ACE: variants seen among roughly 807,000 people sequenced by gnomAD.
The protein encoded by ACE is angiotensin I converting enzyme.
Under a neutral mutation model 162.3 loss-of-function variants are expected in ACE, and 122 were observed. The observed-to-expected ratio is 0.75, with a 90% CI of 0.65 to 0.87. The LOEUF is 0.87. Among genes scored for constraint, ACE ranks in the 40% least tolerant of loss-of-function variants. The pLI is 0.00. For synonymous variants in ACE, 796 were observed against 720.6 expected, an observed-to-expected ratio of 1.10 and a Z score of -1.68; for missense variants, 1,799 against 1,735.1, an observed-to-expected ratio of 1.04 and a Z score of -0.65.
In ACE at chr17:63,485,502, CG is replaced by C. The variant is rs756317362; in HGVS notation, c.2058+133del. The C allele has an allele frequency of 4.4e-6, 6 of 1,374,780 alleles. No individual in the cohort carries two copies. In the South Asian group the frequency reaches 7.5e-5, roughly 17 times the overall value. 85.2% of individuals were successfully genotyped at this position (1,374,780 alleles called of 1,614,324 possible). A position where few individuals can be genotyped will look rare whatever the true frequency, so the allele number is the denominator to read the frequency against. On this transcript the variant is annotated intron_variant, in intron 13 of 24. Coordinates refer to ENST00000290866, the MANE Select transcript of ACE (RefSeq NM_000789.4). The stretch of plus-strand genomic sequence containing the variant: ...TTTAAAACAATACTCAATTTCGGGC[CG>C]GGCGCGGTGGCTCACGCCTGTAATC...
At chr17:63,497,052 G>A in intron 24 of ACE, 67 bp downstream of exon 24, 1 of 1,587,022 alleles carries the variant, frequency 6.3e-7, no homozygotes, top group Admixed American at 1.8e-5. Context: ...CAGCCATGCG[G>A]CTGACCTCGG....
rs752924819 is a variant in ACE at position 63,481,135 on chromosome 17, G to A, written c.892G>A (p.Val298Met). ...QSWENIYDMVVPFPDKPNLDV... is the reference protein window; with the variant it reads ...QSWENIYDMVMPFPDKPNLDV... The stretch of plus-strand genomic sequence containing the variant: ...CTGGGAAAACATCTACGACATGGTG[G>A]TGCCTTTCCCAGACAAGCCCAACCT... The change falls in exon 6 of 25, where the codon GTG becomes ATG. Residue 298 changes from valine (V) to methionine (M), a missense_variant. Val to Met is a conservative substitution (Grantham distance 21). Coordinates refer to ENST00000290866, the MANE Select transcript of ACE (RefSeq NM_000789.4). 5.6e-6 allele frequency: 9 copies of A among 1,613,948 alleles called. No homozygotes were observed. Among genetic ancestry groups the A allele is most frequent in the Admixed American group, 3.3e-5 (2 of 60,000 alleles).
In ACE at chr17:63,493,601, G is replaced by A; in HGVS notation, c.3078G>A (p.Val1026=). ...TTGGGGACGTGCTAGCCCTCTCAGT[G>A]TCTACGCCCAAGCACCTGCACAGTC... ...EAIGDVLALS[V]STPKHLHSLN... Residue 1026 remains valine, a synonymous_variant, in exon 20 of 25, where the codon GTG becomes GTA. Coordinates refer to ENST00000290866, the MANE Select transcript of ACE (RefSeq NM_000789.4). 6.2e-7 allele frequency: 1 copy of A among 1,614,178 alleles called. No individual in the cohort carries two copies. The highest frequency in any genetic ancestry group is 8.5e-7 in the Non-Finnish European group (1 of 1,180,020).
intron 2 of ACE, 143 bp from the exon 3 acceptor site, chr17:63,478,864 T>G: frequency 1.4e-6 from 1 of 718,456 alleles, no homozygotes; most frequent in South Asian, 1.5e-5. Context: ...TAAGTGACAC[T>G]TAGTGATCAG....
rs4330 is a variant in ACE at position 63,486,300 on chromosome 17, C to G, written c.2059-257C>G. On this transcript the variant is annotated intron_variant, in intron 13 of 24. Coordinates refer to ENST00000290866, the MANE Select transcript of ACE (RefSeq NM_000789.4). ...GCTGGCTCCTTCCTAAGGGCCTTTA[C>G]GACACTTGGGGGTCTTCTCTTCTCT... 1,035 of 554,096 alleles carry G rather than the reference C, an allele frequency of 1.9e-3. 6 individuals are homozygous for G. The highest frequency in any genetic ancestry group is 0.016 in the African/African-American group (836 of 52,912). The allele number at this position is 554,096 out of a possible 1,614,324, so 34.3% of individuals were successfully genotyped here.
In ACE at chr17:63,488,757, C is replaced by A. The variant is rs761458810; in HGVS notation, c.2415C>A (p.Tyr805Ter). The change falls in exon 16 of 25, where the codon TAC (tyrosine) becomes TAA (stop). Residue 805 changes from tyrosine to a stop codon, truncating the protein, a stop_gained. Transcript: ENST00000290866. LOFTEE classifies it high-confidence loss of function. ...GRAILQFYPK[Y>*]VELINQAARL... ...CCATCCTCCAGTTTTACCCGAAATA[C>A]GTGGAACTCATCAACCAGGCTGCCC... The A allele has an allele frequency of 1.2e-6, 2 of 1,613,894 alleles. No individual in the cohort carries two copies. Among genetic ancestry groups the A allele is most frequent in the East Asian group, 2.2e-5 (1 of 44,796 alleles).
chr17:63,481,728 A>G lies in ACE; in HGVS notation c.1108A>G (p.Lys370Glu). ...CTCGGCTTGGGACTTCTACAACAGG[A>G]AAGACTTCAGGTTCAGACATGGGAA... Reference protein sequence around the residue: ...HASAWDFYNRKDFRIKQCTRV... With the variant: ...HASAWDFYNREDFRIKQCTRV... Residue 370 changes from lysine to glutamate, a missense_variant, in exon 7 of 25, where the codon AAA becomes GAA. By Grantham distance (56) the Lys-to-Glu change is moderately conservative. Transcript: ENST00000290866. 1.2e-6 allele frequency: 2 copies of G among 1,614,104 alleles called. No homozygotes were observed. The highest frequency in any genetic ancestry group is 1.7e-6 in the Non-Finnish European group (2 of 1,180,020).
Position 63,485,374 on chromosome 17 carries a change from T to G in ACE, c.2058+2T>G. On this transcript the variant is annotated splice_donor_variant, in intron 13 of 24. Transcript: ENST00000290866. LOFTEE classifies it high-confidence loss of function. ...ACCACAGAGACCAGCAAGATTCTGG[T>G]GGGAGCCACCTCCCCACCCCCAAAC... 1 of 1,613,192 alleles carries G rather than the reference T, an allele frequency of 6.2e-7. No homozygotes were observed. Among genetic ancestry groups the G allele is most frequent in the Non-Finnish European group, 8.5e-7 (1 of 1,179,752 alleles).
intron 5 of ACE, 120 bp downstream of exon 5, chr17:63,480,648 G>A (rs960647085): frequency 3.0e-5 from 33 of 1,091,810 alleles, no homozygotes; most frequent in Admixed American, 2.7e-4. Context: ...CATGTGTGGG[G>A]CATCATACTG....
chr17:63,485,429 G>A, intron 13 of ACE, 57 bp downstream of exon 13: 1 of 1,605,972 alleles, frequency 6.2e-7, no homozygotes, highest in South Asian at 1.1e-5. Context: ...CAGAGATGCT[G>A]TCCCGCTCAC....
At chr17:63,496,733 T>C in intron 23 of ACE, 65 bp from the exon 24 acceptor site, 3 of 1,602,258 alleles carry the variant, frequency 1.9e-6, no homozygotes, top group Non-Finnish European at 8.5e-7. Flanking sequence ...GGAGAGTGGA[T>C]GTCAGGTGGG....
intron 8 of ACE, 147 bp downstream of exon 8, chr17:63,482,836 C>G: frequency 9.2e-7 from 1 of 1,081,516 alleles, no homozygotes; most frequent in Non-Finnish European, 1.4e-6. Flanking sequence ...CCTAGAGCCT[C>G]ACGGTGCACA....
At position 63,484,465 on chromosome 17, in the gene ACE, G is replaced by A. The variant is rs149476654; in HGVS notation, c.1845G>A (p.Gln615=). The A allele has an allele frequency of 6.2e-7, 1 of 1,611,852 alleles. No individual in the cohort carries two copies. The highest frequency in any genetic ancestry group is 8.5e-7 in the Non-Finnish European group (1 of 1,179,796). Reference sequence around the variant, plus strand: ...CCCAGTGGCTGCAGGAGCAGAACCAGCAGAACGGCGAGGTCCTGGGCTGGC... The same window carrying A: ...CCCAGTGGCTGCAGGAGCAGAACCAACAGAACGGCGAGGTCCTGGGCTGGC... The part of the protein sequence containing the change: ...PVTQWLQEQN[Q]QNGEVLGWPE... The change falls in exon 12 of 25, where the codon CAG becomes CAA. Residue 615 remains glutamine (Q), a synonymous_variant. Transcript: ENST00000290866. The surrounding 1 kb of genome is among the most constrained non-coding windows in gnomAD (Gnocchi z 4.0).
chr17:63,477,837 G>A (rs1371756169), intron 1 of ACE, 94 bp from the exon 2 acceptor site: 1 of 1,497,908 alleles, frequency 6.7e-7, no homozygotes, highest in African/African-American at 1.4e-5. Flanking sequence ...GAAGCCCTTG[G>A]CCTTCCTCCC....
intron 13 of ACE, chr17:63,486,187 C>T (rs1264079981): frequency 2.9e-6 from 1 of 341,110 alleles, no homozygotes; most frequent in African/African-American, 2.1e-5. Context: ...TCTCAACAGC[C>T]TTGCAAAATT....
intron 3 of ACE, among the ~76,000 whole-genome samples, 186 bp downstream of exon 3, chr17:63,479,286 C>T (rs944592475): frequency 6.6e-6 from 1 of 152,082 alleles, no homozygotes; most frequent in Non-Finnish European, 1.5e-5. Context: ...AGTGGACTTC[C>T]GGAATCTCCA....
intron 2 of ACE, chr17:63,478,427 A>G: frequency 1.9e-5 from 7 of 368,632 alleles, no homozygotes; most frequent in South Asian, 1.8e-4. Flanking sequence ...GCACTTTGGG[A>G]GGCTGAGGTG....
chr17:63,478,671 G>A, intron 2 of ACE: 1 of 400,486 alleles, frequency 2.5e-6, no homozygotes, highest in Admixed American at 3.6e-5. Context: ...CCAAAAAAAA[G>A]AGAGAGAGAA....
rs34241302 is a variant in ACE, at chr17:63,482,688, G to C, written c.1341G>C (p.Thr447=). Residue 447 remains threonine, a splice_region_variant and synonymous_variant, in exon 8 of 25, where the codon ACG becomes ACC. Transcript: ENST00000290866. Reference sequence around the variant, plus strand: ...TGCTGGACCGTGTCACCAATGACACGGGTATGGGAGGGCTGAGAGGCCCCC... The same window carrying C: ...TGCTGGACCGTGTCACCAATGACACCGGTATGGGAGGGCTGAGAGGCCCCC... The part of the protein sequence containing the change: ...IGLLDRVTND[T]ESDINYLLKM... The C allele has an allele frequency of 1.4e-3, 2,287 of 1,613,478 alleles. 21 individuals carry two copies. The African/African-American group carries it at 0.023, about 16-fold the overall frequency.
Sources: gnomAD v4.1 joint callset for allele counts (sites outside exome capture counted in the v4.1 genomes callset) on GRCh38, gnomAD v4.1.1 for gene constraint, Gnocchi (gnomAD v3.1) non-coding constraint, MANE v1.5 for transcripts, NCBI Gene and HGNC (gene_info 2026-07-23, HGNC 2026-07-21) for gene names.